Variants in SOAT1 observed in about 807,000 individuals in gnomAD.
SOAT1 encodes sterol O-acyltransferase 1, also known as acyl-coenzyme A:cholesterol acyltransferase 1.
A neutral mutation model predicts 69.5 loss-of-function variants in SOAT1; 55 were observed. That is an observed-to-expected ratio of 0.79 (90% CI 0.64 to 0.99). SOAT1 has a LOEUF of 0.99. Among genes scored for constraint, SOAT1 ranks in the 50% least tolerant of loss-of-function variants. The probability of loss-of-function intolerance (pLI) is 0.00; values close to 1 mark genes in which losing one functional copy is unlikely to be tolerated. For missense variants in SOAT1, 580 were observed against 669.3 expected (o/e 0.87, Z 1.47); for synonymous variants, 231 against 224.7 (o/e 1.03, Z -0.25).
At chr1:179,353,497 T>C (rs975958953) in intron 15 of SOAT1, 88 bp from the exon 16 acceptor site, 33 of 1,109,910 alleles carry the variant, frequency 3.0e-5, no homozygotes, top group Non-Finnish European at 4.1e-5. Context: ...AGATGTACAA[T>C]GTATCATATT....
intron 15 of SOAT1, among the ~76,000 whole-genome samples, chr1:179,352,029 G>T (rs189514773): frequency 8.5e-4 from 129 of 151,106 alleles, no homozygotes; most frequent in Non-Finnish European, 1.3e-3. Context: ...ATTCTCCAGG[G>T]TTTTCCTAAT....
intron 15 of SOAT1, among the ~76,000 whole-genome samples, chr1:179,352,843 T>C (rs1467274008): frequency 6.6e-6 from 1 of 151,958 alleles, no homozygotes; most frequent in Non-Finnish European, 1.5e-5. Context: ...TAATCTCCTT[T>C]GTTCATCTGA....
chr1:179,323,601 A>T (rs1007111682), intron 3 of SOAT1, 106 bp downstream of exon 3: 1 of 896,102 alleles, frequency 1.1e-6, no homozygotes, highest in African/African-American at 1.7e-5. Context: ...TAAGCCATTC[A>T]TCAGTTGCTG....
intron 2 of SOAT1, among the ~76,000 whole-genome samples, chr1:179,320,860 A>G (rs1301280049): frequency 6.6e-6 from 1 of 151,346 alleles, no homozygotes; most frequent in African/African-American, 2.4e-5. Context: ...CATCTTCCCA[A>G]GTGTCAGGGA....
rs1023728665 is a variant in SOAT1, at chr1:179,351,620, T to G, written c.1596+158T>G. 2.1e-4 allele frequency among the ~76,000 whole-genome samples: 32 copies of G among 152,142 alleles called. 1 individual carries two copies. Among genetic ancestry groups the G allele is most frequent in the African/African-American group, 7.2e-4 (30 of 41,440 alleles). ...AAAAGCATTAGTTTATCATCTGATC[T>G]TATTGTACTTGAAGTTTTTCCTTTT... On this transcript the variant is annotated intron_variant, in intron 15 of 15. Coordinates refer to ENST00000367619, the MANE Select transcript of SOAT1 (RefSeq NM_003101.6).
chr1:179,344,812 A>G, intron 10 of SOAT1, 135 bp from the exon 11 acceptor site: 1 of 765,040 alleles, frequency 1.3e-6, no homozygotes, highest in Non-Finnish European at 2.2e-6. Context: ...GCAGTCTTCT[A>G]TACTAGTGTT....
intron 3 of SOAT1, 40 bp from the exon 4 acceptor site, chr1:179,335,465 TG>T: frequency 6.4e-7 from 1 of 1,554,696 alleles, no homozygotes; most frequent in Non-Finnish European, 8.8e-7. Flanking sequence ...CTCACAAGCA[TG>T]TATTAGTTCC....
At chr1:179,325,917 G>C (rs781065713) in intron 3 of SOAT1, among the ~76,000 whole-genome samples, 1 of 152,296 alleles carries the variant, frequency 6.6e-6, no homozygotes, top group African/African-American at 2.4e-5. Flanking sequence ...GGATTAGAAG[G>C]AGAAAGTAAT....
chr1:179,327,751 G>A (rs1314066661), intron 3 of SOAT1, among the ~76,000 whole-genome samples: 1 of 138,536 alleles, frequency 7.2e-6, no homozygotes, highest in Admixed American at 7.2e-5. Context: ...TATTAAGTAA[G>A]GAAAAGTGTG....
At chr1:179,296,502 G>T (rs1424744775) in intron 1 of SOAT1, among the ~76,000 whole-genome samples, 6 of 151,842 alleles carry the variant, frequency 4.0e-5, no homozygotes, top group African/African-American at 1.5e-4. Context: ...CATTTTTTTT[G>T]CCACATTGGT....
In SOAT1 at chr1:179,331,634, G is replaced by A. The variant is rs147882776; in HGVS notation, c.178-3872G>A. Among the ~76,000 whole-genome samples, 120 of 152,178 alleles carry A rather than the reference G, an allele frequency of 7.9e-4. 3 individuals carry two copies. Among genetic ancestry groups the A allele is most frequent in the East Asian group, 7.5e-3 (39 of 5,182 alleles). ...CATCGTTTAAAATCAGTTGGGTGGG[G>A]GGCAGACAGTGAGATGCCAAAGAGC... On this transcript the variant is annotated intron_variant, in intron 3 of 15. Coordinates refer to ENST00000367619, the MANE Select transcript of SOAT1 (RefSeq NM_003101.6).
At chr1:179,334,246 A>C (rs2124981095) in intron 3 of SOAT1, among the ~76,000 whole-genome samples, 1 of 152,304 alleles carries the variant, frequency 6.6e-6, no homozygotes, top group East Asian at 1.9e-4. Flanking sequence ...GGGGTTTCGC[A>C]TATGTAAAAT....
At chr1:179,323,045 CTTTT>C (rs36045111) in intron 2 of SOAT1, among the ~76,000 whole-genome samples, 3 of 126,728 alleles carry the variant, frequency 2.4e-5, no homozygotes, top group Admixed American at 8.1e-5. Flanking sequence ...TCTTTTCTTT[CTTTT>C]TTTTTTTTTT....
chr1:179,305,332 A>G (rs1664965675), intron 2 of SOAT1, among the ~76,000 whole-genome samples: 1 of 152,042 alleles, frequency 6.6e-6, no homozygotes. Context: ...ATTATAGCAC[A>G]TGCAGCCTCG....
At chr1:179,351,535 TGAG>T in intron 15 of SOAT1, 73 bp downstream of exon 15, 1 of 1,406,266 alleles carries the variant, frequency 7.1e-7, no homozygotes, top group Non-Finnish European at 9.9e-7. Flanking sequence ...TGGGCAATGT[TGAG>T]GAGCACAGTA....
rs1666823160 is a variant in SOAT1, at chr1:179,353,645, C to G, written c.*4C>G. On this transcript the variant is annotated 3_prime_UTR_variant, in exon 16 of 16. Coordinates refer to ENST00000367619, the MANE Select transcript of SOAT1 (RefSeq NM_003101.6). ...GACTTGTCGTTACGTGTTTTAGAAG[C>G]TTGGACTTTGTTTCCTCCTTGTCAC... The G allele has an allele frequency of 2.5e-6, 4 of 1,612,330 alleles. No homozygotes were observed. Among genetic ancestry groups the G allele is most frequent in the Non-Finnish European group, 3.4e-6 (4 of 1,178,656 alleles).
At chr1:179,343,687 AT>A in intron 10 of SOAT1, 52 bp downstream of exon 10, 1 of 1,247,368 alleles carries the variant, frequency 8.0e-7, no homozygotes, top group Non-Finnish European at 1.2e-6. Flanking sequence ...GGGGATTCAT[AT>A]TTATGATAAT....
intron 2 of SOAT1, among the ~76,000 whole-genome samples, chr1:179,323,045 C>CTTT (rs36045111): frequency 0.03 from 3,809 of 126,678 alleles, 105 homozygotes; most frequent in Non-Finnish European, 0.041. Flanking sequence ...TCTTTTCTTT[C>CTTT]TTTTTTTTTT....
At chr1:179,306,494 A>G (rs1157554238) in intron 2 of SOAT1, among the ~76,000 whole-genome samples, 2 of 152,166 alleles carry the variant, frequency 1.3e-5, no homozygotes, top group Non-Finnish European at 2.9e-5. Context: ...GAAATGGCAC[A>G]CACTGAAGGT....
Sources: allele counts gnomAD v4.1 joint callset (sites outside exome capture counted in the v4.1 genomes callset), GRCh38; gene constraint gnomAD v4.1.1; transcripts MANE v1.5; gene names NCBI Gene and HGNC (gene_info 2026-07-23, HGNC 2026-07-21).